The following CDKAL1 variants were observed in gnomAD, a reference collection of about 807,000 sequenced individuals.
The protein encoded by CDKAL1 is threonylcarbamoyladenosine tRNA methylthiotransferase.
Under a neutral mutation model 68.2 loss-of-function variants are expected in CDKAL1, and 32 were observed. That is an observed-to-expected ratio of 0.47 (90% CI 0.35 to 0.63). The LOEUF (loss-of-function observed/expected upper bound fraction) is 0.63, where lower values mean the gene tolerates loss of function less well. Among genes scored for constraint, CDKAL1 ranks in the 30% least tolerant of loss-of-function variants. The probability of loss-of-function intolerance (pLI) is 0.00; values close to 1 mark genes in which losing one functional copy is unlikely to be tolerated. For synonymous variants in CDKAL1, 234 were observed against 244.3 expected, an observed-to-expected ratio of 0.96 and a Z score of 0.39; for missense variants, 606 against 696.7, an observed-to-expected ratio of 0.87 and a Z score of 1.47.
intron 8 of CDKAL1, among the ~76,000 whole-genome samples, chr6:20,790,120 G>A (rs1166959162): frequency 6.6e-6 from 1 of 152,108 alleles, no homozygotes; most frequent in Non-Finnish European, 1.5e-5. Flanking sequence ...TTAAACAAAT[G>A]TAGTTGAACA....
chr6:20,716,917 G>T (rs1310675487), intron 5 of CDKAL1, among the ~76,000 whole-genome samples: 1 of 152,122 alleles, frequency 6.6e-6, no homozygotes, highest in Non-Finnish European at 1.5e-5. Context: ...GTGCTCAGGA[G>T]GTTGAGGAGC....
At chr6:20,880,432 T>C (rs1760751244) in intron 9 of CDKAL1, among the ~76,000 whole-genome samples, 1 of 152,044 alleles carries the variant, frequency 6.6e-6, no homozygotes, top group African/African-American at 2.4e-5. Context: ...ATTTTTGTAT[T>C]TTTTAGTAGG....
intron 9 of CDKAL1, among the ~76,000 whole-genome samples, chr6:20,873,421 A>G (rs1183045377): frequency 6.6e-6 from 1 of 152,256 alleles, no homozygotes; most frequent in East Asian, 1.9e-4. Context: ...TATATTGAGG[A>G]CTTCTTACAT....
At chr6:20,636,795 G>T (rs1486999344) in intron 4 of CDKAL1, among the ~76,000 whole-genome samples, 1 of 152,202 alleles carries the variant, frequency 6.6e-6, no homozygotes, top group Non-Finnish European at 1.5e-5. Context: ...CCCACACTTT[G>T]GGAGGCCGAG....
intron 13 of CDKAL1, among the ~76,000 whole-genome samples, chr6:21,116,343 A>G (rs1296463095): frequency 6.6e-6 from 1 of 152,216 alleles, no homozygotes; most frequent in Non-Finnish European, 1.5e-5. Flanking sequence ...AAATCTGAGT[A>G]GACTTTTATT....
intron 13 of CDKAL1, among the ~76,000 whole-genome samples, chr6:21,147,820 TAAAC>T (rs1326996862): frequency 6.6e-6 from 1 of 152,216 alleles, no homozygotes; most frequent in African/African-American, 2.4e-5. Flanking sequence ...TGTCTTTAAT[TAAAC>T]AAAAGCATTT....
chr6:20,873,561 A>G (rs774313025), intron 9 of CDKAL1, among the ~76,000 whole-genome samples: 1 of 152,202 alleles, frequency 6.6e-6, no homozygotes, highest in Non-Finnish European at 1.5e-5. Context: ...AAATTTACAT[A>G]GCCAGGAAGC....
intron 4 of CDKAL1, among the ~76,000 whole-genome samples, chr6:20,562,375 T>G (rs1310501787): frequency 6.6e-6 from 1 of 152,108 alleles, no homozygotes; most frequent in Non-Finnish European, 1.5e-5. Flanking sequence ...TGGAATGCTA[T>G]TTACTCTTGA....
intron 5 of CDKAL1, among the ~76,000 whole-genome samples, chr6:20,673,774 G>A (rs901785602): frequency 6.6e-6 from 1 of 152,150 alleles, no homozygotes; most frequent in Non-Finnish European, 1.5e-5. Context: ...ATCCATTTAA[G>A]ATGTGACTTA....
chr6:20,840,589 G>A (rs960112857), intron 8 of CDKAL1, among the ~76,000 whole-genome samples: 1 of 152,164 alleles, frequency 6.6e-6, no homozygotes, highest in Non-Finnish European at 1.5e-5. Flanking sequence ...TTAGGCAAGA[G>A]GAGTTTTGGG....
At position 20,899,942 on chromosome 6, in the gene CDKAL1, C is replaced by T. The variant is rs111744670; in HGVS notation, c.742+53764C>T. Among the ~76,000 whole-genome samples the T allele has an allele frequency of 5.2e-3, 795 of 152,298 alleles. 21 individuals are homozygous for T. The highest frequency in any genetic ancestry group is 0.048 in the Admixed American group (741 of 15,296). ...GAAACTAAGGCAAAGAGGATCTAAG[C>T]GATCTGACCAAGGTGACATAAATGT... On this transcript the variant is annotated intron_variant, in intron 9 of 15. Coordinates refer to ENST00000274695, the MANE Select transcript of CDKAL1 (RefSeq NM_017774.3).
intron 13 of CDKAL1, among the ~76,000 whole-genome samples, chr6:21,113,247 T>C (rs1774211415): frequency 6.6e-6 from 1 of 152,206 alleles, no homozygotes; most frequent in African/African-American, 2.4e-5. Flanking sequence ...TTTTAGAAAC[T>C]TTGGTATTTT....
chr6:20,660,434 G>C (rs1192037519), intron 5 of CDKAL1, among the ~76,000 whole-genome samples: 1 of 152,226 alleles, frequency 6.6e-6, no homozygotes, highest in African/African-American at 2.4e-5. Flanking sequence ...TGAGTCCCTT[G>C]ACAGATACAG....
At chr6:20,969,900 TG>T (rs1765504706) in intron 10 of CDKAL1, among the ~76,000 whole-genome samples, 1 of 152,100 alleles carries the variant, frequency 6.6e-6, no homozygotes, top group African/African-American at 2.4e-5. Context: ...AATATGTCAG[TG>T]TTTTTTAGGC....
intron 5 of CDKAL1, among the ~76,000 whole-genome samples, chr6:20,695,917 A>G (rs10806921): frequency 0.076 from 11,503 of 152,184 alleles, 1,396 homozygotes; most frequent in African/African-American, 0.26. Flanking sequence ...CTCTGTACCC[A>G]TGAAACAGTA....
intron 12 of CDKAL1, among the ~76,000 whole-genome samples, chr6:21,107,954 A>C (rs1246559274): frequency 1.3e-5 from 2 of 152,188 alleles, no homozygotes; most frequent in Non-Finnish European, 2.9e-5. Context: ...AGACAGACCC[A>C]AGCTGTAACC....
intron 9 of CDKAL1, among the ~76,000 whole-genome samples, chr6:20,853,386 CAAAACAAAAAAA>C (rs1410942525): frequency 1.1e-3 from 37 of 32,462 alleles, no homozygotes; most frequent in African/African-American, 5.2e-3. Context: ...TCTCAAAAAA[CAAAACAAAAAAA>C]AAACAAAAAA....
intron 15 of CDKAL1, among the ~76,000 whole-genome samples, chr6:21,220,338 CTAACT>C (rs1156723436): frequency 2.0e-5 from 3 of 152,180 alleles, no homozygotes; most frequent in African/African-American, 7.2e-5. Context: ...CAGTAAATAA[CTAACT>C]TGTGTTTTCC....
intron 4 of CDKAL1, among the ~76,000 whole-genome samples, chr6:20,644,674 A>C (rs1263934286): frequency 1.4e-5 from 2 of 146,236 alleles, no homozygotes; most frequent in African/African-American, 5.2e-5. Context: ...TCTCAAAACA[A>C]AAACAAAAAC....
Sources: gnomAD v4.1 joint callset for allele counts (sites outside exome capture counted in the v4.1 genomes callset) on GRCh38, gnomAD v4.1.1 for gene constraint, MANE v1.5 for transcripts, NCBI Gene and HGNC (gene_info 2026-07-23, HGNC 2026-07-21) for gene names.